Variants in DENND4C observed in about 807,000 individuals in gnomAD.
The protein encoded by DENND4C is DENN domain-containing protein 4C.
A neutral mutation model predicts 203.0 loss-of-function variants in DENND4C; 108 were observed. The observed-to-expected ratio is 0.53, with a 90% CI of 0.46 to 0.62. The LOEUF (loss-of-function observed/expected upper bound fraction) is 0.62, where lower values mean the gene tolerates loss of function less well. DENND4C is among the 20% of genes least tolerant of loss of function. The probability of loss-of-function intolerance (pLI) is 0.00; values close to 1 mark genes in which losing one functional copy is unlikely to be tolerated. For missense variants in DENND4C, 2,481 were observed against 2,301.2 expected (o/e 1.08, Z -1.60); for synonymous variants, 871 against 792.4 (o/e 1.10, Z -1.67).
chr9:19,275,607 A>G (rs896147300), intron 1 of DENND4C, among the ~76,000 whole-genome samples: 10 of 151,794 alleles, frequency 6.6e-5, no homozygotes, highest in African/African-American at 2.4e-4. Context: ...GGTAGCTGGG[A>G]TTATAGGCGC....
chr9:19,321,350 A>T (rs953803647), intron 12 of DENND4C, among the ~76,000 whole-genome samples: 2 of 152,148 alleles, frequency 1.3e-5, no homozygotes, highest in African/African-American at 4.8e-5. Flanking sequence ...TATGGAATGT[A>T]AGGTAGAGTG....
At chr9:19,341,535 A>C (rs1316214791) in intron 21 of DENND4C, among the ~76,000 whole-genome samples, 1 of 151,494 alleles carries the variant, frequency 6.6e-6, no homozygotes, top group Admixed American at 6.6e-5. Context: ...GTCTTGACCT[A>C]CTGAGCTCAA....
chr9:19,251,697 C>T (rs1826641789), intron 1 of DENND4C, among the ~76,000 whole-genome samples: 1 of 152,192 alleles, frequency 6.6e-6, no homozygotes, highest in South Asian at 2.1e-4. Flanking sequence ...CCTAAATCAT[C>T]TCTCTCAAGT....
intron 9 of DENND4C, among the ~76,000 whole-genome samples, chr9:19,303,168 T>A (rs1429228371): frequency 6.6e-6 from 1 of 152,234 alleles, no homozygotes; most frequent in Non-Finnish European, 1.5e-5. Flanking sequence ...AAGTCCTAAA[T>A]GCTTCTGTGA....
At chr9:19,370,737 T>C (rs975738124) in intron 31 of DENND4C, among the ~76,000 whole-genome samples, 21 of 152,362 alleles carry the variant, frequency 1.4e-4, no homozygotes, top group African/African-American at 4.8e-4. Flanking sequence ...CCTGTCACTA[T>C]TGTCTGCTAA....
At chr9:19,236,166 C>A (rs1396334752) in intron 1 of DENND4C, among the ~76,000 whole-genome samples, 1 of 151,462 alleles carries the variant, frequency 6.6e-6, no homozygotes, top group East Asian at 1.9e-4. Context: ...TTAAAGAGGC[C>A]CTTTTCTATC....
chr9:19,353,872 G>T, intron 26 of DENND4C, among the ~76,000 whole-genome samples: 1 of 152,220 alleles, frequency 6.6e-6, no homozygotes. Flanking sequence ...GGAGGCGAAG[G>T]TTGCAGTGAG....
At chr9:19,253,985 A>G (rs1413069284) in intron 1 of DENND4C, among the ~76,000 whole-genome samples, 1 of 152,228 alleles carries the variant, frequency 6.6e-6, no homozygotes, top group African/African-American at 2.4e-5. Flanking sequence ...TACAAAAAAT[A>G]CAAAAATTAT....
chr9:19,273,428 A>G (rs1368606492), intron 1 of DENND4C, among the ~76,000 whole-genome samples: 4 of 152,018 alleles, frequency 2.6e-5, no homozygotes, highest in Non-Finnish European at 2.9e-5. Context: ...CTGTAAGAGA[A>G]TAGGTTAATA....
rs778818628 is a variant in DENND4C, at chr9:19,370,008, G to A, written c.5675+21G>A. 1.9e-6 allele frequency: 3 copies of A among 1,607,412 alleles called. No individual in the cohort carries two copies. In the East Asian group the frequency reaches 6.7e-5, roughly 36 times the overall value. On this transcript the variant is annotated intron_variant, in intron 31 of 32. Transcript: ENST00000434457. ...CAAAGGTAATAATCCAGTATTTTTTGCTTGCCACCACTCAGTCATTTCATG... is the reference window on the plus strand; with the variant it reads ...CAAAGGTAATAATCCAGTATTTTTTACTTGCCACCACTCAGTCATTTCATG...
In DENND4C at chr9:19,303,363, C is replaced by T. The variant is rs190513789; in HGVS notation, c.1312-1989C>T. Among the ~76,000 whole-genome samples, 304 of 152,258 alleles carry T rather than the reference C, an allele frequency of 2.0e-3. 2 individuals are homozygous for T. The highest frequency in any genetic ancestry group is 7.0e-3 in the African/African-American group (292 of 41,558). On this transcript the variant is annotated intron_variant, in intron 9 of 32. Coordinates refer to ENST00000434457, the MANE Select transcript of DENND4C (RefSeq NM_001330640.2). ...GCAAATGGTGGCCGAATCCTGCCTG[C>T]CAAATCCTGCCTGCCACTTGTTTCT...
At chr9:19,243,491 C>G (rs141095121) in intron 1 of DENND4C, among the ~76,000 whole-genome samples, 1 of 152,118 alleles carries the variant, frequency 6.6e-6, no homozygotes, top group South Asian at 2.1e-4. Context: ...TAAAAGGAAA[C>G]GCTGTACCCG....
At chr9:19,297,946 A>G (rs2131283294) in intron 6 of DENND4C, 110 bp from the exon 7 acceptor site, 1 of 781,278 alleles carries the variant, frequency 1.3e-6, no homozygotes, top group East Asian at 2.8e-5. Context: ...ATTTTAGATA[A>G]ATGGCCATGT....
At chr9:19,235,124 C>G (rs1347498138) in intron 1 of DENND4C, among the ~76,000 whole-genome samples, 2 of 151,696 alleles carry the variant, frequency 1.3e-5, no homozygotes, top group Non-Finnish European at 2.9e-5. Flanking sequence ...GCCACCACAC[C>G]CAGCTAATTT....
intron 2 of DENND4C, among the ~76,000 whole-genome samples, chr9:19,286,181 AATTC>A (rs1273491306): frequency 6.6e-6 from 1 of 152,134 alleles, no homozygotes; most frequent in Non-Finnish European, 1.5e-5. Context: ...AATTTTCATT[AATTC>A]ATTTTTCAGT....
intron 2 of DENND4C, 135 bp from the exon 3 acceptor site, chr9:19,286,634 G>A (rs548227925): frequency 7.9e-6 from 6 of 756,442 alleles, no homozygotes; most frequent in East Asian, 3.4e-5. Flanking sequence ...GAAACAATAG[G>A]AGAGACCAAA....
Position 19,346,402 on chromosome 9 carries a change from T to C in DENND4C, c.3633T>C (p.Asp1211=). Residue 1211 remains aspartate, a synonymous_variant, in exon 23 of 33, where the codon GAT becomes GAC. Coordinates refer to ENST00000434457, the MANE Select transcript of DENND4C (RefSeq NM_001330640.2). Reference sequence around the variant, plus strand: ...ATACATATGAGAGTCTACTAAGTGATAGTAACAGTAATCAGTCCAGAGACT... The same window carrying C: ...ATACATATGAGAGTCTACTAAGTGACAGTAACAGTAATCAGTCCAGAGACT... ...TVDTYESLLS[D]SNSNQSRDLK... 1 of 1,614,116 alleles carries C rather than the reference T, an allele frequency of 6.2e-7. No individual in the cohort carries two copies. The highest frequency in any genetic ancestry group is 8.5e-7 in the Non-Finnish European group (1 of 1,180,018).
At chr9:19,337,573 TC>T in intron 20 of DENND4C, 1 of 1,230,854 alleles carries the variant, frequency 8.1e-7, no homozygotes, top group Non-Finnish European at 1.0e-6. Flanking sequence ...GCTGCATTTG[TC>T]CTTGGCTGTC....
At chr9:19,359,427 T>C (rs1826014214) in intron 28 of DENND4C, among the ~76,000 whole-genome samples, 1 of 151,870 alleles carries the variant, frequency 6.6e-6, no homozygotes, top group Non-Finnish European at 1.5e-5. Flanking sequence ...TTCATGCTTA[T>C]ATTATTCTCT....
Sources: gnomAD v4.1 joint callset for allele counts (sites outside exome capture counted in the v4.1 genomes callset) on GRCh38, gnomAD v4.1.1 for gene constraint, MANE v1.5 for transcripts, NCBI Gene and HGNC (gene_info 2026-07-23, HGNC 2026-07-21) for gene names.